Variants in NTM observed in about 807,000 individuals in gnomAD.
NTM encodes the protein neurotrimin.
A neutral mutation model predicts 42.1 loss-of-function variants in NTM; 13 were observed. That is an observed-to-expected ratio of 0.31 (90% confidence interval 0.20 to 0.49). The LOEUF (loss-of-function observed/expected upper bound fraction) is 0.49, where lower values mean the gene tolerates loss of function less well. Among genes scored for constraint, NTM ranks in the 20% least tolerant of loss-of-function variants. The pLI, the probability that NTM is intolerant of heterozygous loss-of-function variation, is 0.99. For missense variants in NTM, 373 were observed against 452.8 expected (o/e 0.82, Z 1.60); for synonymous variants, 187 against 179.2 (o/e 1.04, Z -0.35).
chr11:131,497,492 G>T (rs1186081339), intron 1 of NTM, among the ~76,000 whole-genome samples: 1 of 142,818 alleles, frequency 7.0e-6, no homozygotes, highest in East Asian at 2.0e-4. Flanking sequence ...TAGCCCATAG[G>T]TTACTATTTC....
At chr11:132,293,192 G>A (rs1565405064) in intron 4 of NTM, among the ~76,000 whole-genome samples, 1 of 152,164 alleles carries the variant, frequency 6.6e-6, no homozygotes, top group Admixed American at 6.5e-5. Flanking sequence ...GAACAGAAAT[G>A]TGATGGAAGA....
Position 131,373,266 on chromosome 11 carries a change from T to C in NTM, c.82+2378T>C, listed in dbSNP as rs138923931. Among the ~76,000 whole-genome samples the C allele has an allele frequency of 4.2e-3, 634 of 152,300 alleles. 3 individuals are homozygous for C. The highest frequency in any genetic ancestry group is 5.2e-3 in the Non-Finnish European group (354 of 68,026). Reference sequence around the variant, plus strand: ...CCTGCAATAATCCACCCCTATTGCATTGACCCAGTGGGACTAGTTAGAATG... The same window carrying C: ...CCTGCAATAATCCACCCCTATTGCACTGACCCAGTGGGACTAGTTAGAATG... On this transcript the variant is annotated intron_variant, in intron 1 of 8. Coordinates refer to ENST00000683400, the MANE Select transcript of NTM (RefSeq NM_001352005.2).
intron 2 of NTM, among the ~76,000 whole-genome samples, chr11:132,001,853 A>G (rs1358649356): frequency 6.6e-6 from 1 of 152,130 alleles, no homozygotes; most frequent in African/African-American, 2.4e-5. Flanking sequence ...ATACTTGAGC[A>G]ATTGCCAAAT....
At chr11:131,838,129 T>C (rs1021980614) in intron 1 of NTM, among the ~76,000 whole-genome samples, 2 of 152,166 alleles carry the variant, frequency 1.3e-5, no homozygotes, top group African/African-American at 2.4e-5. Context: ...TTTATTTATT[T>C]ATTTTTACAT....
chr11:131,789,343 A>G (rs779751028), intron 1 of NTM, among the ~76,000 whole-genome samples: 26 of 119,562 alleles, frequency 2.2e-4, no homozygotes, highest in Non-Finnish European at 3.7e-4. Context: ...GACAAAGTGA[A>G]TTTAAAAATA....
At chr11:132,196,244 G>A (rs1254693724) in intron 3 of NTM, among the ~76,000 whole-genome samples, 1 of 152,138 alleles carries the variant, frequency 6.6e-6, no homozygotes, top group Non-Finnish European at 1.5e-5. Context: ...AAACCACAAT[G>A]AGATACCATC....
At chr11:131,481,810 A>G (rs1046256719) in intron 1 of NTM, among the ~76,000 whole-genome samples, 1 of 152,170 alleles carries the variant, frequency 6.6e-6, no homozygotes, top group African/African-American at 2.4e-5. Flanking sequence ...AAAAAAAATT[A>G]AAAAATAAAA....
chr11:132,025,715 G>C (rs1565974379), intron 2 of NTM, among the ~76,000 whole-genome samples: 3 of 152,182 alleles, frequency 2.0e-5, no homozygotes, highest in African/African-American at 4.8e-5. Context: ...CGGGGGTGTG[G>C]CCTGAGCTGA....
chr11:131,967,780 G>A (rs2063020995), intron 2 of NTM, among the ~76,000 whole-genome samples: 1 of 152,154 alleles, frequency 6.6e-6, no homozygotes, highest in Non-Finnish European at 1.5e-5. Context: ...TGACAACAGT[G>A]GGGAAGGAAA....
At chr11:132,079,408 G>A (rs962466592) in intron 2 of NTM, among the ~76,000 whole-genome samples, 4 of 152,136 alleles carry the variant, frequency 2.6e-5, no homozygotes, top group South Asian at 2.1e-4. Context: ...TCTAGCGCCC[G>A]AAGAAAGTTC....
At chr11:131,466,748 C>T (rs1459886162) in intron 1 of NTM, among the ~76,000 whole-genome samples, 1 of 152,146 alleles carries the variant, frequency 6.6e-6, no homozygotes, top group Non-Finnish European at 1.5e-5. Context: ...GTTGATAGAG[C>T]AAATAGAATC....
At chr11:132,319,835 G>A (rs2095519347) in intron 7 of NTM, among the ~76,000 whole-genome samples, 1 of 152,212 alleles carries the variant, frequency 6.6e-6, no homozygotes, top group South Asian at 2.1e-4. Flanking sequence ...GTGGGTCCCT[G>A]ACCCCCGAGT....
chr11:132,195,843 A>G (rs900308287), intron 3 of NTM, among the ~76,000 whole-genome samples: 5 of 152,198 alleles, frequency 3.3e-5, no homozygotes, highest in East Asian at 3.8e-4. Flanking sequence ...ACCTAAAACT[A>G]TAAAAACCCT....
intron 1 of NTM, among the ~76,000 whole-genome samples, chr11:131,855,018 C>G (rs755068087): frequency 6.6e-6 from 1 of 152,108 alleles, no homozygotes; most frequent in African/African-American, 2.4e-5. Context: ...TGTGTGGGAC[C>G]GGTGCTGATG....
At chr11:131,575,079 C>T (rs531432537) in intron 1 of NTM, among the ~76,000 whole-genome samples, 4 of 152,218 alleles carry the variant, frequency 2.6e-5, no homozygotes, top group South Asian at 2.1e-4. Context: ...AAAACCAGTC[C>T]GTTTGGATGA....
rs776500809 is a variant in NTM at position 131,658,959 on chromosome 11, G to A, written c.83-252605G>A. On this transcript the variant is annotated intron_variant, in intron 1 of 8. Coordinates refer to ENST00000683400, the MANE Select transcript of NTM (RefSeq NM_001352005.2). ...TGCTCTCCAGCCTGGGTGACAGAGC[G>A]AGACTCCAAAAAGAAAAAAACAAAT... Among the ~76,000 whole-genome samples the A allele has an allele frequency of 1.2e-3, 189 of 152,224 alleles. 1 individual carries two copies. The highest frequency in any genetic ancestry group is 1.5e-3 in the Non-Finnish European group (104 of 68,020).
At chr11:131,793,638 T>A (rs1447145409) in intron 1 of NTM, among the ~76,000 whole-genome samples, 2 of 152,194 alleles carry the variant, frequency 1.3e-5, no homozygotes, top group African/African-American at 4.8e-5. Context: ...TAGTTCAGGT[T>A]TACAAGGTGG....
chr11:131,727,575 C>T (rs1002596253), intron 1 of NTM, among the ~76,000 whole-genome samples: 5 of 152,108 alleles, frequency 3.3e-5, no homozygotes, highest in Non-Finnish European at 2.9e-5. Context: ...AGAAAAAACC[C>T]ATTTAAGGTT....
intron 3 of NTM, among the ~76,000 whole-genome samples, chr11:132,147,173 GTT>G (rs745667832): frequency 9.1e-6 from 1 of 109,604 alleles, no homozygotes; most frequent in Admixed American, 8.8e-5. Flanking sequence ...GGCCTTGTAT[GTT>G]TGTGTGTGTG....
Sources: gnomAD v4.1 joint callset for allele counts (sites outside exome capture counted in the v4.1 genomes callset) on GRCh38, gnomAD v4.1.1 for gene constraint, MANE v1.5 for transcripts, NCBI Gene and HGNC (gene_info 2026-07-23, HGNC 2026-07-21) for gene names.